The following SCFD2 variants were observed in gnomAD, a reference collection of about 807,000 sequenced individuals.
SCFD2 encodes the protein sec1 family domain-containing protein 2.
SCFD2 carries 54 observed loss-of-function variants against 58.9 expected under a neutral mutation model. That is an observed-to-expected ratio of 0.92 (90% CI 0.74 to 1.15). The LOEUF is 1.15. SCFD2 is among the 50% of genes most tolerant of loss of function. The pLI is 0.00. For missense variants in SCFD2, 805 were observed against 836.6 expected (o/e 0.96, Z 0.47); for synonymous variants, 321 against 335.9 (o/e 0.96, Z 0.49).
intron 4 of SCFD2, among the ~76,000 whole-genome samples, chr4:53,231,886 GT>G (rs1729451524): frequency 6.6e-6 from 1 of 151,930 alleles, no homozygotes; most frequent in African/African-American, 2.4e-5. Flanking sequence ...AAAGTTTCAT[GT>G]AATTATCTTC....
intron 4 of SCFD2, among the ~76,000 whole-genome samples, chr4:53,152,369 A>C (rs1454664424): frequency 6.6e-6 from 1 of 152,178 alleles, no homozygotes; most frequent in Non-Finnish European, 1.5e-5. Flanking sequence ...AAAAAAAAAA[A>C]TTAAAAAAAG....
Position 53,352,239 on chromosome 4 carries a change from T to C in SCFD2, c.1007+359A>G, listed in dbSNP as rs151284442. Among the ~76,000 whole-genome samples, 94 of 152,328 alleles carry C rather than the reference T, an allele frequency of 6.2e-4. No individual in the cohort carries two copies. In the East Asian group the frequency reaches 0.016, roughly 25 times the overall value. On this transcript the variant is annotated intron_variant, in intron 2 of 8. Coordinates refer to ENST00000401642, the MANE Select transcript of SCFD2 (RefSeq NM_152540.4). ...GTTTCATTGCTGTTTGAGTTGCTTT[T>C]TAGTGATGTGAAAAAGTCAACTGGG...
rs79293912 is a variant in SCFD2 at position 53,189,035 on chromosome 4, A to T, written c.1312-43453T>A. On this transcript the variant is annotated intron_variant, in intron 4 of 8. Coordinates refer to ENST00000401642, the MANE Select transcript of SCFD2 (RefSeq NM_152540.4). ...TGTATTCATTCCCCTAGACAGAATA[A>T]ATATTCATCAAGCACATAGCCCAAG... 2.7e-3 allele frequency among the ~76,000 whole-genome samples: 415 copies of T among 152,296 alleles called. 15 individuals are homozygous for T. The East Asian group carries it at 0.069, about 25-fold the overall frequency.
intron 5 of SCFD2, among the ~76,000 whole-genome samples, chr4:53,026,375 A>T (rs1722474667): frequency 6.6e-6 from 1 of 152,228 alleles, no homozygotes; most frequent in South Asian, 2.1e-4. Flanking sequence ...GACGCCTAGC[A>T]CAATGCCTGG....
At position 53,196,777 on chromosome 4, in the gene SCFD2, CA is replaced by C. The variant is rs200275749; in HGVS notation, c.1312-51196del. 9.5e-3 allele frequency among the ~76,000 whole-genome samples: 1,339 copies of C among 141,506 alleles called. 23 individuals carry two copies. In the East Asian group the frequency reaches 0.096, roughly 10 times the overall value. The allele number at this position is 141,506 out of a possible 152,430, so 92.8% of individuals were successfully genotyped here. A position where few individuals can be genotyped will look rare whatever the true frequency, so the allele number is the denominator to read the frequency against. On this transcript the variant is annotated intron_variant, in intron 4 of 8. Transcript: ENST00000401642. ...GGGGAAGGAGAATTCAACTTTTCAT[CA>C]AAAAAAAAAAAGTCTAAATCATGCC...
At chr4:53,340,593 G>C (rs1733835076) in intron 2 of SCFD2, among the ~76,000 whole-genome samples, 1 of 152,188 alleles carries the variant, frequency 6.6e-6, no homozygotes, top group South Asian at 2.1e-4. Context: ...GTCACTGTCT[G>C]ACAGCTTTGA....
At chr4:53,359,574 C>T (rs1229790087) in intron 1 of SCFD2, among the ~76,000 whole-genome samples, 1 of 152,162 alleles carries the variant, frequency 6.6e-6, no homozygotes, top group Non-Finnish European at 1.5e-5. Context: ...AAAAATAAAA[C>T]GTAAAACCCT....
chr4:53,118,220 AT>A (rs1725378329), intron 5 of SCFD2, among the ~76,000 whole-genome samples: 1 of 152,144 alleles, frequency 6.6e-6, no homozygotes, highest in Non-Finnish European at 1.5e-5. Flanking sequence ...ATTTTTTCTT[AT>A]TTGCCATTGT....
chr4:53,103,833 A>G (rs1724904010), intron 5 of SCFD2, among the ~76,000 whole-genome samples: 1 of 146,796 alleles, frequency 6.8e-6, no homozygotes. Flanking sequence ...AAAATGCCGT[A>G]AGGGTTGACA....
chr4:53,279,927 T>C (rs1453293209), intron 3 of SCFD2, among the ~76,000 whole-genome samples: 4 of 152,180 alleles, frequency 2.6e-5, no homozygotes, highest in African/African-American at 4.8e-5. Flanking sequence ...GCCCCCATGA[T>C]ACAATTACCT....
At chr4:53,233,986 A>T (rs1729518331) in intron 4 of SCFD2, among the ~76,000 whole-genome samples, 1 of 152,158 alleles carries the variant, frequency 6.6e-6, no homozygotes, top group Non-Finnish European at 1.5e-5. Flanking sequence ...CAGTACTCAT[A>T]AAAAAAGTTA....
intron 5 of SCFD2, among the ~76,000 whole-genome samples, chr4:53,018,031 T>C (rs1189482913): frequency 6.6e-6 from 1 of 152,232 alleles, no homozygotes; most frequent in Admixed American, 6.5e-5. Flanking sequence ...ACTCTGTTTT[T>C]CTCCAGAGCT....
chr4:53,203,612 G>T (rs920383863), intron 4 of SCFD2, among the ~76,000 whole-genome samples: 1 of 151,944 alleles, frequency 6.6e-6, no homozygotes, highest in African/African-American at 2.4e-5. Context: ...TAGCATTTTA[G>T]GAGCTTGAAA....
intron 3 of SCFD2, among the ~76,000 whole-genome samples, chr4:53,311,479 G>T (rs1328912657): frequency 6.6e-6 from 1 of 151,922 alleles, no homozygotes; most frequent in Non-Finnish European, 1.5e-5. Context: ...CAAAGATACG[G>T]CCCTTTAGAA....
intron 4 of SCFD2, among the ~76,000 whole-genome samples, chr4:53,253,958 T>TCTC (rs762418550): frequency 4.9e-4 from 73 of 149,238 alleles, no homozygotes; most frequent in Non-Finnish European, 8.6e-4. Context: ...TGGATGGAGC[T>TCTC]GGAGGTCATT....
intron 5 of SCFD2, chr4:52,950,784 C>T (rs1720571497): frequency 6.6e-6 from 1 of 151,938 alleles, no homozygotes; most frequent in African/African-American, 2.4e-5. Flanking sequence ...TAGGGGGCGC[C>T]CACCAGGACC....
chr4:53,224,862 T>C (rs1336895434), intron 4 of SCFD2, among the ~76,000 whole-genome samples: 1 of 152,184 alleles, frequency 6.6e-6, no homozygotes, highest in Non-Finnish European at 1.5e-5. Flanking sequence ...TTTCTTCACC[T>C]TTTTTTATTA....
intron 5 of SCFD2, among the ~76,000 whole-genome samples, chr4:53,089,996 G>C (rs1016810481): frequency 2.6e-5 from 4 of 152,138 alleles, no homozygotes; most frequent in Non-Finnish European, 5.9e-5. Flanking sequence ...CTTCTGCAGA[G>C]AGCTACAAAA....
At chr4:53,065,679 A>G (rs1251106362) in intron 5 of SCFD2, among the ~76,000 whole-genome samples, 3 of 152,108 alleles carry the variant, frequency 2.0e-5, no homozygotes, top group African/African-American at 7.2e-5. Flanking sequence ...TAAAAAAATG[A>G]TAATTTTTTT....
Sources: gnomAD v4.1 joint callset for allele counts (sites outside exome capture counted in the v4.1 genomes callset) on GRCh38, gnomAD v4.1.1 for gene constraint, MANE v1.5 for transcripts, NCBI Gene and HGNC (gene_info 2026-07-23, HGNC 2026-07-21) for gene names.